The following MAL2 variants were observed in gnomAD, a reference collection of about 807,000 sequenced individuals.
MAL2 encodes protein MAL2.
A neutral mutation model predicts 18.1 loss-of-function variants in MAL2; 17 were observed. The ratio of observed to expected loss-of-function variants is 0.94; its 90% CI spans 0.64 to 1.41. MAL2 has a LOEUF of 1.41. Among genes scored for constraint, MAL2 ranks in the 40% most tolerant of loss-of-function variants. MAL2 has a pLI of 0.00. For missense variants in MAL2, 222 were observed against 231.9 expected, an observed-to-expected ratio of 0.96 and a Z score of 0.28; for synonymous variants, 102 against 102.3, an observed-to-expected ratio of 1.00 and a Z score of 0.02.
At chr8:119,237,167 C>A (rs1817924135) in intron 2 of MAL2, among the ~76,000 whole-genome samples, 1 of 151,750 alleles carries the variant, frequency 6.6e-6, no homozygotes, top group South Asian at 2.1e-4. Flanking sequence ...CACCTCTACA[C>A]AAATAAACTA....
At chr8:119,229,513 A>G (rs1299927733) in intron 2 of MAL2, among the ~76,000 whole-genome samples, 1 of 152,026 alleles carries the variant, frequency 6.6e-6, no homozygotes, top group Admixed American at 6.5e-5. Context: ...GGCTTTTGCC[A>G]TGTTGGCTAG....
chr8:119,239,785 T>A, intron 2 of MAL2, among the ~76,000 whole-genome samples: 1 of 151,790 alleles, frequency 6.6e-6, no homozygotes. Flanking sequence ...AGGGATAGCA[T>A]TAGGAGATAT....
intron 3 of MAL2, among the ~76,000 whole-genome samples, chr8:119,241,712 G>A (rs759107385): frequency 6.6e-6 from 1 of 152,120 alleles, no homozygotes; most frequent in Non-Finnish European, 1.5e-5. Context: ...TTAGGCTGAA[G>A]GTGGGATTAC....
At chr8:119,220,443 CCCTTTCCTCCCCAGT>C (rs1189163543) in intron 1 of MAL2, among the ~76,000 whole-genome samples, 1 of 152,204 alleles carries the variant, frequency 6.6e-6, no homozygotes, top group African/African-American at 2.4e-5. Context: ...TCACCATCCA[CCCTTTCCTCCCCAGT>C]CCATTCTCAC....
At chr8:119,227,162 T>C (rs1215140738) in intron 2 of MAL2, among the ~76,000 whole-genome samples, 1 of 152,178 alleles carries the variant, frequency 6.6e-6, no homozygotes, top group Non-Finnish European at 1.5e-5. Context: ...GTTACAAAAT[T>C]AATGCATTAA....
chr8:119,239,853 A>C (rs1190814002), intron 2 of MAL2, among the ~76,000 whole-genome samples: 2 of 146,282 alleles, frequency 1.4e-5, no homozygotes, highest in African/African-American at 2.5e-5. Context: ...ACATGTATAC[A>C]TATGTAACTA....
intron 1 of MAL2, among the ~76,000 whole-genome samples, chr8:119,211,231 T>C (rs1228153057): frequency 1.3e-5 from 2 of 152,202 alleles, no homozygotes; most frequent in South Asian, 2.1e-4. Flanking sequence ...GTAAAGTAAA[T>C]GTGAGAATTT....
intron 2 of MAL2, among the ~76,000 whole-genome samples, chr8:119,225,799 A>C (rs1241139692): frequency 3.3e-5 from 5 of 152,124 alleles, no homozygotes; most frequent in African/African-American, 7.2e-5. Flanking sequence ...CTGACTTTTT[A>C]ATGATTGCCA....
At position 119,208,430 on chromosome 8, in the gene MAL2, A is replaced by AGGCGGC. The variant is rs768133848; in HGVS notation, c.-35_-30dup. 19 of 1,088,094 alleles carry AGGCGGC rather than the reference A, an allele frequency of 1.7e-5. No individual in the cohort carries two copies. In the African/African-American group the frequency reaches 2.0e-4, roughly 12 times the overall value. The allele number at this position is 1,088,094 out of a possible 1,614,324, so 67.4% of individuals were successfully genotyped here. ...CAGGAGCCCGGGAGGCGGAGGCGGG[A>AGGCGGC]GGCGGCGGCGGCGCGCGGAGACGCA... On this transcript the variant is annotated 5_prime_UTR_variant, in exon 1 of 4. Transcript: ENST00000614891. The surrounding 1 kb of genome is among the most constrained non-coding windows in gnomAD (Gnocchi z 4.3).
At chr8:119,239,445 A>G (rs534230144) in intron 2 of MAL2, among the ~76,000 whole-genome samples, 1 of 152,092 alleles carries the variant, frequency 6.6e-6, no homozygotes, top group African/African-American at 2.4e-5. Context: ...ACTACAGATC[A>G]TGCTGCTATA....
chr8:119,229,910 G>GC (rs1817680712), intron 2 of MAL2, among the ~76,000 whole-genome samples: 1 of 152,162 alleles, frequency 6.6e-6, no homozygotes, highest in Non-Finnish European at 1.5e-5. Flanking sequence ...TAACATGAGA[G>GC]CCTAGGCTAC....
At chr8:119,239,825 G>A (rs913408321) in intron 2 of MAL2, among the ~76,000 whole-genome samples, 3 of 151,234 alleles carry the variant, frequency 2.0e-5, no homozygotes, top group African/African-American at 7.3e-5. Context: ...GTTAATGAGT[G>A]CAGCACACTA....
chr8:119,224,682 C>A (rs1310508729), intron 2 of MAL2, among the ~76,000 whole-genome samples: 1 of 151,868 alleles, frequency 6.6e-6, no homozygotes, highest in Non-Finnish European at 1.5e-5. Context: ...GTTTTTTTAT[C>A]CCTCCTTCTC....
At position 119,238,611 on chromosome 8, in the gene MAL2, A is replaced by G. The variant is rs59917282; in HGVS notation, c.304-1554A>G. On this transcript the variant is annotated intron_variant, in intron 2 of 3. Coordinates refer to ENST00000614891, the MANE Select transcript of MAL2 (RefSeq NM_052886.3). ...CAATGGAACAGAACAGAGCCCTCAG[A>G]AATAACGCCACATATCTACAACTAT... Among the ~76,000 whole-genome samples the G allele has an allele frequency of 5.9e-3, 861 of 145,948 alleles. 6 individuals carry two copies. Among genetic ancestry groups the G allele is most frequent in the African/African-American group, 0.02 (757 of 38,116 alleles).
intron 1 of MAL2, among the ~76,000 whole-genome samples, chr8:119,213,780 C>G (rs1348640000): frequency 6.6e-6 from 1 of 152,138 alleles, no homozygotes; most frequent in African/African-American, 2.4e-5. Context: ...ATCGCACCAT[C>G]ACCCTCCAGC....
intron 2 of MAL2, chr8:119,224,386 G>A (rs1228769604): frequency 6.6e-6 from 1 of 151,970 alleles, no homozygotes; most frequent in East Asian, 1.9e-4. Flanking sequence ...CCCTTTGTAG[G>A]GGAAGGGTAC....
intron 2 of MAL2, among the ~76,000 whole-genome samples, chr8:119,234,806 T>G (rs1817839060): frequency 6.6e-6 from 1 of 151,650 alleles, no homozygotes; most frequent in Non-Finnish European, 1.5e-5. Context: ...AAAACCCATC[T>G]GTACATCACC....
intron 2 of MAL2, among the ~76,000 whole-genome samples, chr8:119,229,347 C>G (rs1817664070): frequency 7.2e-6 from 1 of 139,602 alleles, no homozygotes; most frequent in South Asian, 2.3e-4. Flanking sequence ...GAGTCTTGCT[C>G]TATTGCCCAG....
At chr8:119,228,411 C>A (rs1258861714) in intron 2 of MAL2, among the ~76,000 whole-genome samples, 1 of 152,178 alleles carries the variant, frequency 6.6e-6, no homozygotes, top group Non-Finnish European at 1.5e-5. Flanking sequence ...GAAACTCTTG[C>A]TTTTACCCCT....
Sources: allele counts gnomAD v4.1 joint callset (sites outside exome capture counted in the v4.1 genomes callset), GRCh38; gene constraint gnomAD v4.1.1; non-coding constraint Gnocchi (gnomAD v3.1); transcripts MANE v1.5; gene names NCBI Gene and HGNC (gene_info 2026-07-23, HGNC 2026-07-21).